Variants in SGCZ observed in about 807,000 individuals in gnomAD.
The protein encoded by SGCZ is sarcoglycan zeta.
Under a neutral mutation model 41.3 loss-of-function variants are expected in SGCZ, and 40 were observed. The ratio of observed to expected loss-of-function variants is 0.97; its 90% CI spans 0.75 to 1.26. SGCZ has a LOEUF of 1.26. Among genes scored for constraint, SGCZ ranks in the 50% most tolerant of loss-of-function variants. SGCZ has a pLI of 0.00. For synonymous variants in SGCZ, 206 were observed against 137.5 expected, an observed-to-expected ratio of 1.50 and a Z score of -3.49; for missense variants, 552 against 369.8, an observed-to-expected ratio of 1.49 and a Z score of -4.04.
At chr8:14,884,267 T>C (rs1804703898) in intron 1 of SGCZ, among the ~76,000 whole-genome samples, 1 of 152,294 alleles carries the variant, frequency 6.6e-6, no homozygotes, top group East Asian at 1.9e-4. Context: ...CAAAGTGCTT[T>C]CCAAACCTGG....
chr8:15,131,882 C>T (rs1420106759), intron 1 of SGCZ, among the ~76,000 whole-genome samples: 1 of 152,160 alleles, frequency 6.6e-6, no homozygotes, highest in East Asian at 1.9e-4. Flanking sequence ...GGTCTGCAAG[C>T]TCTTCATCTT....
At chr8:15,178,918 G>A (rs985739344) in intron 1 of SGCZ, among the ~76,000 whole-genome samples, 2 of 152,152 alleles carry the variant, frequency 1.3e-5, no homozygotes, top group Non-Finnish European at 2.9e-5. Context: ...ATAGCATATT[G>A]GTTCTAAACA....
At position 14,648,019 on chromosome 8, in the gene SGCZ, G is replaced by C. The variant is rs1807280274; in HGVS notation, c.40-93093C>G. ...TGCAAAGAGGAGCCCTCATTTCCCA[G>C]AGGGAGGTACCCTGAACTTGACTTT... is the stretch of plus-strand genomic sequence containing the variant. On this transcript the variant is annotated intron_variant, in intron 1 of 7. Coordinates refer to ENST00000382080, the MANE Select transcript of SGCZ (RefSeq NM_139167.4). Among the ~76,000 whole-genome samples the C allele has an allele frequency of 2.0e-5, 3 of 151,980 alleles. No homozygotes were observed. The South Asian group carries it at 6.2e-4, about 32-fold the overall frequency.
At chr8:14,156,213 T>C (rs1803871289) in intron 5 of SGCZ, among the ~76,000 whole-genome samples, 1 of 152,184 alleles carries the variant, frequency 6.6e-6, no homozygotes, top group Non-Finnish European at 1.5e-5. Flanking sequence ...CTGATGCCTG[T>C]AATCCTGGCA....
chr8:14,647,828 C>T (rs1480395674), intron 1 of SGCZ, among the ~76,000 whole-genome samples: 1 of 152,054 alleles, frequency 6.6e-6, no homozygotes, highest in Non-Finnish European at 1.5e-5. Flanking sequence ...CTATTTTCTT[C>T]AGTGTTCTCA....
intron 1 of SGCZ, among the ~76,000 whole-genome samples, chr8:14,685,702 T>A (rs1029035828): frequency 6.6e-6 from 1 of 152,110 alleles, no homozygotes; most frequent in Non-Finnish European, 1.5e-5. Context: ...TGGTATCTAT[T>A]ACATATAAAG....
At chr8:14,739,582 G>A (rs866461401) in intron 1 of SGCZ, among the ~76,000 whole-genome samples, 11 of 151,928 alleles carry the variant, frequency 7.2e-5, no homozygotes, top group African/African-American at 2.4e-4. Context: ...GTCTAAAACT[G>A]ACCAGTATTA....
intron 1 of SGCZ, among the ~76,000 whole-genome samples, chr8:14,818,638 G>A (rs1801976993): frequency 6.6e-6 from 1 of 151,946 alleles, no homozygotes; most frequent in African/African-American, 2.4e-5. Context: ...ATAATCTTAA[G>A]GAAATTTCAT....
chr8:14,650,136 A>G (rs1383742902), intron 1 of SGCZ, among the ~76,000 whole-genome samples: 1 of 152,026 alleles, frequency 6.6e-6, no homozygotes. Context: ...CAGCCATGTG[A>G]CTGTTTTTGT....
At chr8:14,572,056 CATGAATTTAAGG>C (rs1297021621) in intron 1 of SGCZ, among the ~76,000 whole-genome samples, 1 of 152,104 alleles carries the variant, frequency 6.6e-6, no homozygotes, top group Non-Finnish European at 1.5e-5. Flanking sequence ...TGAAACATTA[CATGAATTTAAGG>C]ATGAATTTAA....
intron 1 of SGCZ, among the ~76,000 whole-genome samples, chr8:15,041,147 C>T (rs1372465875): frequency 6.6e-6 from 1 of 151,290 alleles, no homozygotes; most frequent in Non-Finnish European, 1.5e-5. Context: ...AAATAATAGT[C>T]ATTTATTTTT....
At chr8:14,497,107 C>T (rs7016826) in intron 2 of SGCZ, among the ~76,000 whole-genome samples, 72,739 of 151,984 alleles carry the variant, frequency 0.48, 17,562 homozygotes, top group Admixed American at 0.54. Flanking sequence ...TTTGGTTACG[C>T]GTCACAATCT....
chr8:14,468,321 C>T (rs17302533), intron 2 of SGCZ, among the ~76,000 whole-genome samples: 1 of 151,986 alleles, frequency 6.6e-6, no homozygotes, highest in African/African-American at 2.4e-5. Flanking sequence ...AAAATGACTA[C>T]CCTTATCTTT....
chr8:14,941,032 G>A (rs1242707527), intron 1 of SGCZ, among the ~76,000 whole-genome samples: 5 of 151,926 alleles, frequency 3.3e-5, no homozygotes, highest in African/African-American at 1.2e-4. Context: ...TAATATTCAG[G>A]AAAATACTAA....
intron 1 of SGCZ, among the ~76,000 whole-genome samples, chr8:14,868,254 A>C (rs1245678029): frequency 6.6e-6 from 1 of 152,074 alleles, no homozygotes; most frequent in Non-Finnish European, 1.5e-5. Context: ...CAACTCGGTG[A>C]CCTCCCTCCT....
intron 1 of SGCZ, among the ~76,000 whole-genome samples, chr8:14,779,288 C>A (rs528377024): frequency 6.6e-6 from 1 of 152,290 alleles, no homozygotes; most frequent in South Asian, 2.1e-4. Flanking sequence ...ACTTGCACTG[C>A]GGCAAATCAG....
At chr8:14,336,146 T>C (rs1218820607) in intron 2 of SGCZ, among the ~76,000 whole-genome samples, 1 of 152,138 alleles carries the variant, frequency 6.6e-6, no homozygotes, top group African/African-American at 2.4e-5. Context: ...AGCTCCCTCT[T>C]ATAAGTGATA....
chr8:14,237,402 C>G (rs556470341), intron 4 of SGCZ, among the ~76,000 whole-genome samples, 190 bp downstream of exon 4: 54 of 151,926 alleles, frequency 3.6e-4, no homozygotes, highest in Middle Eastern at 6.8e-3. Flanking sequence ...CCAGATGACC[C>G]CGATTGCTTG....
intron 1 of SGCZ, among the ~76,000 whole-genome samples, chr8:14,705,742 G>C (rs1231658326): frequency 1.3e-5 from 2 of 152,002 alleles, no homozygotes; most frequent in East Asian, 3.9e-4. Context: ...ATAGAACATA[G>C]TAAAAACATC....
Sources: gnomAD v4.1 joint callset for allele counts (sites outside exome capture counted in the v4.1 genomes callset) on GRCh38, gnomAD v4.1.1 for gene constraint, MANE v1.5 for transcripts, NCBI Gene and HGNC (gene_info 2026-07-23, HGNC 2026-07-21) for gene names.